Variants in OSBPL10 observed in about 807,000 individuals in gnomAD.
The protein encoded by OSBPL10 is oxysterol binding protein like 10.
Under a neutral mutation model 81.7 loss-of-function variants are expected in OSBPL10, and 49 were observed. That is an observed-to-expected ratio of 0.60 (90% CI 0.48 to 0.76). The LOEUF is 0.76. OSBPL10 is among the 30% of genes least tolerant of loss of function. OSBPL10 has a pLI of 0.00. For synonymous variants in OSBPL10, 419 were observed against 383.6 expected, an observed-to-expected ratio of 1.09 and a Z score of -1.08; for missense variants, 923 against 987.8, an observed-to-expected ratio of 0.93 and a Z score of 0.88.
At chr3:31,819,311 C>A (rs1157214446) in intron 4 of OSBPL10, among the ~76,000 whole-genome samples, 1 of 152,238 alleles carries the variant, frequency 6.6e-6, no homozygotes, top group Non-Finnish European at 1.5e-5. Flanking sequence ...AATCTCTGAT[C>A]ATTTGCCTGA....
chr3:32,023,743 G>A lies in OSBPL10; in HGVS notation n.298+22748C>T, dbSNP rs140792027. Among the ~76,000 whole-genome samples, 563 of 152,168 alleles carry A rather than the reference G, an allele frequency of 3.7e-3. 8 individuals carry two copies. The highest frequency in any genetic ancestry group is 0.012 in the African/African-American group (505 of 41,524). ...ACAATAGTTTCTTCTCATCGGCAAG[G>A]GATATATTCCAAGACCCCTCAGTGG... On this transcript the variant is annotated intron_variant and non_coding_transcript_variant, in intron 2 of 3. Coordinates refer to the OSBPL10 transcript ENST00000479173.
chr3:31,847,346 C>T (rs1390453998), intron 3 of OSBPL10, among the ~76,000 whole-genome samples: 1 of 152,078 alleles, frequency 6.6e-6, no homozygotes, highest in Non-Finnish European at 1.5e-5. Context: ...ACAGGCGTGC[C>T]CACCACACCT....
At chr3:31,921,531 G>C (rs1481001279) in intron 1 of OSBPL10, among the ~76,000 whole-genome samples, 1 of 152,118 alleles carries the variant, frequency 6.6e-6, no homozygotes, top group Non-Finnish European at 1.5e-5. Flanking sequence ...GGAAACATTT[G>C]AGCAACAAAA....
At chr3:31,895,224 C>T (rs933069531) in intron 1 of OSBPL10, among the ~76,000 whole-genome samples, 48 of 147,064 alleles carry the variant, frequency 3.3e-4, no homozygotes, top group African/African-American at 1.2e-3. Flanking sequence ...AGCTGTCTCC[C>T]GGGTTGACGC....
At chr3:31,866,264 C>T (rs1343803522) in intron 3 of OSBPL10, among the ~76,000 whole-genome samples, 1 of 152,136 alleles carries the variant, frequency 6.6e-6, no homozygotes, top group Admixed American at 6.6e-5. Flanking sequence ...GGAAGCAGTC[C>T]ACACATCCCC....
intron 2 of OSBPL10, among the ~76,000 whole-genome samples, chr3:31,986,604 AT>A (rs940689174): frequency 3.3e-5 from 5 of 150,060 alleles, no homozygotes; most frequent in African/African-American, 1.0e-4. Flanking sequence ...AAAAGTTTAT[AT>A]TTTTTTATAC....
Position 31,688,285 on chromosome 3 carries a change from A to T in OSBPL10, c.1246-4171T>A, listed in dbSNP as rs200216135. On this transcript the variant is annotated intron_variant, in intron 7 of 11. Transcript: ENST00000396556. ...GCACAAATCTCTCTCTCTCTCTCTC[A>T]CACACACACACACACACACACACAC... Among the ~76,000 whole-genome samples the T allele has an allele frequency of 2.9e-3, 282 of 95,796 alleles. 2 individuals are homozygous for T. Among genetic ancestry groups the T allele is most frequent in the East Asian group, 0.019 (21 of 1,080 alleles). 62.8% of individuals were successfully genotyped at this position (95,796 alleles called of 152,430 possible).
chr3:31,848,347 C>T (rs956209066), intron 3 of OSBPL10, among the ~76,000 whole-genome samples: 23 of 151,710 alleles, frequency 1.5e-4, no homozygotes, highest in African/African-American at 5.3e-4. Flanking sequence ...AAGCCCCCCC[C>T]AGTTAGTTCA....
intron 7 of OSBPL10, among the ~76,000 whole-genome samples, chr3:31,687,893 A>AAATAATAGTAATAAT (rs1553614055): frequency 1.4e-5 from 2 of 143,862 alleles, no homozygotes; most frequent in African/African-American, 5.1e-5. Context: ...CCATCACTAC[A>AAATAATAGTAATAAT]AATAATAATA....
At chr3:31,944,900 C>A (rs1353321415) in intron 1 of OSBPL10, among the ~76,000 whole-genome samples, 5 of 139,380 alleles carry the variant, frequency 3.6e-5, no homozygotes, top group African/African-American at 1.3e-4. Context: ...TGCCTGTAAT[C>A]CCAACATTTT....
At chr3:32,047,631 T>C (rs1416093536) in intron 1 of OSBPL10, among the ~76,000 whole-genome samples, 1 of 152,074 alleles carries the variant, frequency 6.6e-6, no homozygotes, top group Non-Finnish European at 1.5e-5. Flanking sequence ...TGGTGGGTTT[T>C]GGCCTGCATC....
At chr3:31,932,640 A>G (rs1394482552) in intron 1 of OSBPL10, among the ~76,000 whole-genome samples, 2 of 152,052 alleles carry the variant, frequency 1.3e-5, no homozygotes, top group Non-Finnish European at 2.9e-5. Context: ...AGTCCATTAC[A>G]CACTCCCCAT....
At chr3:31,710,193 T>C (rs113808058) in intron 6 of OSBPL10, among the ~76,000 whole-genome samples, 21 of 152,238 alleles carry the variant, frequency 1.4e-4, no homozygotes, top group Admixed American at 9.8e-4. Flanking sequence ...GTCTCTAAAA[T>C]GGAGATGGTA....
intron 2 of OSBPL10, among the ~76,000 whole-genome samples, chr3:32,040,816 G>A (rs368134543): frequency 3.5e-4 from 54 of 152,202 alleles, no homozygotes; most frequent in Admixed American, 1.6e-3. Context: ...CAGCCCTGGT[G>A]ACAGAGTGAG....
intron 1 of OSBPL10, among the ~76,000 whole-genome samples, chr3:31,938,669 C>G (rs1697451347): frequency 1.3e-5 from 2 of 152,080 alleles, no homozygotes; most frequent in South Asian, 4.2e-4. Context: ...CCAACTCACC[C>G]AGGTAAGTAG....
At chr3:31,794,176 C>T (rs986294778) in intron 4 of OSBPL10, among the ~76,000 whole-genome samples, 2 of 152,214 alleles carry the variant, frequency 1.3e-5, no homozygotes, top group African/African-American at 2.4e-5. Flanking sequence ...CAGAGTCTTG[C>T]TCTTGTTGTC....
chr3:31,756,184 A>G (rs1048636639), intron 4 of OSBPL10, among the ~76,000 whole-genome samples: 6 of 152,190 alleles, frequency 3.9e-5, no homozygotes, highest in Non-Finnish European at 8.8e-5. Flanking sequence ...ATAATTCACC[A>G]TTAGTCCTCC....
rs1700715561 is a variant in OSBPL10, at chr3:31,683,729, C to G, written c.1631G>C (p.Cys544Ser). The change falls in exon 8 of 12, where the codon TGT (cysteine) becomes TCT (serine). Residue 544 changes from cysteine (C) to serine (S), a missense_variant. Cys to Ser is a moderately radical substitution (Grantham distance 112, BLOSUM62 -1). Transcript: ENST00000396556. The part of the protein sequence containing the change: ...SHHPPISCFY[C>S]ECEEKRLCVN... The stretch of plus-strand genomic sequence containing the variant: ...GCACAGTCTCTTCTCCTCGCACTCA[C>G]AGTAGAAGCAGGAGATGGGTGGGTG... The G allele has an allele frequency of 2.5e-6, 4 of 1,614,212 alleles. No individual in the cohort carries two copies. The highest frequency in any genetic ancestry group is 3.4e-6 in the Non-Finnish European group (4 of 1,180,034).
rs1559476458 is a variant in OSBPL10 at position 31,812,798 on chromosome 3, GAAAGAAAGAAAGAA to G, written c.729+17228_729+17241del. Among the ~76,000 whole-genome samples the G allele has an allele frequency of 2.1e-4, 10 of 48,342 alleles. 1 individual carries two copies. Among genetic ancestry groups the G allele is most frequent in the African/African-American group, 8.8e-4 (9 of 10,236 alleles). The allele number at this position is 48,342 out of a possible 152,430, so 31.7% of individuals were successfully genotyped here. On this transcript the variant is annotated intron_variant, in intron 4 of 11. Coordinates refer to ENST00000396556, the MANE Select transcript of OSBPL10 (RefSeq NM_017784.5). ...AGAAAGAAAGAAAGAAAGAAAGAAA[GAAAGAAAGAAAGAA>G]AGAAAGAGAAAGAAAGAAAGAAAGA...
Sources: allele counts gnomAD v4.1 joint callset (sites outside exome capture counted in the v4.1 genomes callset), GRCh38; gene constraint gnomAD v4.1.1; transcripts MANE v1.5; gene names NCBI Gene and HGNC (gene_info 2026-07-23, HGNC 2026-07-21).